MPST: variants seen among roughly 807,000 people sequenced by gnomAD.
MPST encodes the protein 3-mercaptopyruvate sulfurtransferase.
Under a neutral mutation model 28.5 loss-of-function variants are expected in MPST, and 27 were observed. The ratio of observed to expected loss-of-function variants is 0.95; its 90% CI spans 0.70 to 1.31. The LOEUF (loss-of-function observed/expected upper bound fraction) is 1.31, where lower values mean the gene tolerates loss of function less well. Among genes scored for constraint, MPST ranks in the 50% most tolerant of loss-of-function variants. The probability of loss-of-function intolerance (pLI) is 0.00; values close to 1 mark genes in which losing one functional copy is unlikely to be tolerated. For synonymous variants in MPST, 204 were observed against 209.3 expected, an observed-to-expected ratio of 0.97 and a Z score of 0.22; for missense variants, 492 against 471.1, an observed-to-expected ratio of 1.04 and a Z score of -0.41.
rs1180799316 is a variant in MPST, at chr22:37,024,632, C to T, written c.477C>T (p.Asn159=). The change falls in exon 2 of 3, where the codon AAC becomes AAT. Residue 159 remains asparagine, a synonymous_variant. Transcript: ENST00000429360. ...DGGLRHWLRQ[N]LPLSSGKSQP... is the part of the protein sequence containing the mutation. ...GCCTCCGCCACTGGCTGCGCCAGAA[C>T]CTCCCGCTCAGCTCCGGCAAGAGCC... 1.3e-6 allele frequency: 2 copies of T among 1,597,856 alleles called. No homozygotes were observed. Among genetic ancestry groups the T allele is most frequent in the African/African-American group, 2.7e-5 (2 of 74,902 alleles).
chr22:37,024,150 G>T (rs1180833060), intron 1 of MPST, 42 bp from the exon 2 acceptor site: 2 of 1,363,814 alleles, frequency 1.5e-6, no homozygotes, highest in African/African-American at 1.5e-5. Flanking sequence ...CCCAACAGCG[G>T]CCTCTCCCTG....
chr22:37,023,785 T>G (rs987802329), intron 1 of MPST: 28 of 1,184,652 alleles, frequency 2.4e-5, no homozygotes, highest in Non-Finnish European at 2.9e-5. Flanking sequence ...AGTGAATGAA[T>G]GACTTCCGTC....
Position 37,021,718 on chromosome 22 carries a change from G to A in MPST, c.36+1846G>A, listed in dbSNP as rs141776099. ...GAACTCTTGACCTCGTTATCCGCCC[G>A]CCTTGGCCTCCCGAAGTGCTGGGAT... On this transcript the variant is annotated intron_variant, in intron 1 of 2. Transcript: ENST00000429360. Among the ~76,000 whole-genome samples, 527 of 152,184 alleles carry A rather than the reference G, an allele frequency of 3.5e-3. 4 individuals are homozygous for A. The highest frequency in any genetic ancestry group is 6.1e-3 in the Non-Finnish European group (412 of 67,998).
At chr22:37,028,713 CT>C (rs1923690427) in intron 2 of MPST, 2 of 157,120 alleles carry the variant, frequency 1.3e-5, no homozygotes, top group Admixed American at 6.2e-5. Context: ...GAGACCCTGT[CT>C]CAGTAATAAT....
Position 37,024,283 on chromosome 22 carries a change from C to A in MPST, c.128C>A (p.Pro43Gln). The change falls in exon 2 of 3, where the codon CCG becomes CAG. Residue 43 changes from proline to glutamine, a missense_variant. Physicochemically the swap from Pro to Gln is moderately conservative, Grantham distance 76. Transcript: ENST00000429360. ...TGGGTGGCGGAGGCGCTGCGGGCCC[C>A]GCGCGCTGGGCAGCCTCTGCAGCTG... ...AQWVAEALRA[P>Q]RAGQPLQLLD... 1.3e-6 allele frequency: 2 copies of A among 1,506,882 alleles called. No individual in the cohort carries two copies. Among genetic ancestry groups the A allele is most frequent in the East Asian group, 5.2e-5 (2 of 38,580 alleles). The allele number at this position is 1,506,882 out of a possible 1,614,324, so 93.3% of individuals were successfully genotyped here. A position where few individuals can be genotyped will look rare whatever the true frequency, so the allele number is the denominator to read the frequency against.
chr22:37,025,422 G>C (rs1923447713), intron 2 of MPST: 1 of 242,856 alleles, frequency 4.1e-6, no homozygotes, highest in African/African-American at 2.2e-5. Flanking sequence ...ATAAAGGAAA[G>C]TCTCTTCCAG....
intron 2 of MPST, chr22:37,027,408 T>C (rs1016107318): frequency 2.0e-5 from 3 of 152,174 alleles, no homozygotes; most frequent in African/African-American, 7.2e-5. Context: ...TTCTTTCTGC[T>C]ACAATCAAAA....
At chr22:37,020,578 A>C (rs1379097066) in intron 1 of MPST, among the ~76,000 whole-genome samples, 1 of 152,206 alleles carries the variant, frequency 6.6e-6, no homozygotes, top group Non-Finnish European at 1.5e-5. Flanking sequence ...GGCTCTTGCA[A>C]ACTGGGGGAC....
At chr22:37,020,482 G>A (rs1198145322) in intron 1 of MPST, among the ~76,000 whole-genome samples, 2 of 152,120 alleles carry the variant, frequency 1.3e-5, no homozygotes, top group South Asian at 2.1e-4. Flanking sequence ...AACTTAGCCC[G>A]TTTAATCATA....
At position 37,024,273 on chromosome 22, in the gene MPST, C is replaced by T. The variant is rs1274352299; in HGVS notation, c.118C>T (p.Leu40=). Residue 40 remains leucine (L), a synonymous_variant, in exon 2 of 3, where the codon CTG becomes TTG. Coordinates refer to ENST00000429360, the MANE Select transcript of MPST (RefSeq NM_021126.8). Reference sequence around the variant, plus strand: ...GTCGGCGCAATGGGTGGCGGAGGCGCTGCGGGCCCCGCGCGCTGGGCAGCC... The same window carrying T: ...GTCGGCGCAATGGGTGGCGGAGGCGTTGCGGGCCCCGCGCGCTGGGCAGCC... ...LVSAQWVAEA[L]RAPRAGQPLQ... 5 of 1,483,700 alleles carry T rather than the reference C, an allele frequency of 3.4e-6. No homozygotes were observed. Among genetic ancestry groups the T allele is most frequent in the Non-Finnish European group, 4.4e-6 (5 of 1,125,170 alleles). 91.9% of individuals were successfully genotyped at this position (1,483,700 alleles called of 1,614,324 possible).
intron 1 of MPST, 179 bp from the exon 2 acceptor site, chr22:37,024,013 A>G: frequency 7.5e-7 from 1 of 1,341,690 alleles, no homozygotes; most frequent in Non-Finnish European, 9.8e-7. Context: ...TGGCAGAGGG[A>G]GGCCCCTGGC....
At position 37,024,356 on chromosome 22, in the gene MPST, C is replaced by A; in HGVS notation, c.201C>A (p.Arg67=). 1.3e-6 allele frequency: 2 copies of A among 1,544,016 alleles called. No individual in the cohort carries two copies. Among genetic ancestry groups the A allele is most frequent in the Non-Finnish European group, 1.7e-6 (2 of 1,145,920 alleles). ...YLPKLGRDAR[R]EFEERHIPGA... ...CGAAGCTGGGGCGCGACGCGCGACG[C>A]GAGTTCGAGGAGCGCCACATCCCGG... The change falls in exon 2 of 3, where the codon CGC becomes CGA. Residue 67 remains arginine (R), a synonymous_variant. Coordinates refer to ENST00000429360, the MANE Select transcript of MPST (RefSeq NM_021126.8).
chr22:37,020,382 C>G (rs897721361), intron 1 of MPST, among the ~76,000 whole-genome samples: 8 of 152,116 alleles, frequency 5.3e-5, no homozygotes, highest in Non-Finnish European at 1.2e-4. Context: ...CGGGCCTGAT[C>G]CCTGGTCTGA....
rs1310584150 is a variant in MPST at position 37,024,212 on chromosome 22, C to T, written c.57C>T (p.Ala19=). Reference sequence around the variant, plus strand: ...CCCAGGCCCGCAGCCCGAGTGTCGCCGCCATGGCTTCGCCGCAGCTCTGCC... The same window carrying T: ...CCCAGGCCCGCAGCCCGAGTGTCGCTGCCATGGCTTCGCCGCAGCTCTGCC... ...SETRARSPSV[A]AMASPQLCRA... The change falls in exon 2 of 3, where the codon GCC becomes GCT. Residue 19 remains alanine, a synonymous_variant. Transcript: ENST00000429360. 4 of 1,382,816 alleles carry T rather than the reference C, an allele frequency of 2.9e-6. No homozygotes were observed. In the African/African-American group the frequency reaches 4.6e-5, roughly 16 times the overall value. 85.7% of individuals were successfully genotyped at this position (1,382,816 alleles called of 1,614,324 possible).
intron 1 of MPST, among the ~76,000 whole-genome samples, chr22:37,022,445 G>A (rs1171295918): frequency 6.6e-6 from 1 of 152,198 alleles, no homozygotes; most frequent in Non-Finnish European, 1.5e-5. Context: ...CCGGCACAAG[G>A]CCTGACCGCA....
In MPST at chr22:37,029,643, T is replaced by C; in HGVS notation, c.*129T>C. 1 of 984,068 alleles carries C rather than the reference T, an allele frequency of 1.0e-6. No individual in the cohort carries two copies. The highest frequency in any genetic ancestry group is 1.5e-6 in the Non-Finnish European group (1 of 679,742). 61.0% of individuals were successfully genotyped at this position (984,068 alleles called of 1,614,324 possible). On this transcript the variant is annotated 3_prime_UTR_variant, in exon 3 of 3. Coordinates refer to ENST00000429360, the MANE Select transcript of MPST (RefSeq NM_021126.8). ...CTCAGGTGGCATTTGGGGTGACATCTCAAAGGCCAGGAATTCCGTTGACTT... is the reference window on the plus strand; with the variant it reads ...CTCAGGTGGCATTTGGGGTGACATCCCAAAGGCCAGGAATTCCGTTGACTT...
At chr22:37,022,546 C>T (rs2063453854) in intron 1 of MPST, among the ~76,000 whole-genome samples, 1 of 152,184 alleles carries the variant, frequency 6.6e-6, no homozygotes, top group African/African-American at 2.4e-5. Flanking sequence ...CCCTGGTCAT[C>T]ATGGCACCTG....
intron 2 of MPST, chr22:37,025,518 C>T (rs370508881): frequency 5.1e-6 from 1 of 194,196 alleles, no homozygotes; most frequent in Non-Finnish European, 1.1e-5. Context: ...GCTGGATTTC[C>T]TCAGGCAAGA....
At chr22:37,019,958 G>T (rs1922937704) in intron 1 of MPST, 86 bp downstream of exon 1, 2 of 644,086 alleles carry the variant, frequency 3.1e-6, no homozygotes, top group Non-Finnish European at 4.5e-6. Context: ...TCCCGCGCGG[G>T]ACCTGGGCGG....
Sources: gnomAD v4.1 joint callset for allele counts (sites outside exome capture counted in the v4.1 genomes callset) on GRCh38, gnomAD v4.1.1 for gene constraint, MANE v1.5 for transcripts, NCBI Gene and HGNC (gene_info 2026-07-23, HGNC 2026-07-21) for gene names.